The following WIPF2 variants were observed in gnomAD, a reference collection of about 807,000 sequenced individuals.
The protein encoded by WIPF2 is WAS/WASL-interacting protein family member 2.
In WIPF2, 23 loss-of-function variants were observed where a neutral mutation model predicts 38.8. That is an observed-to-expected ratio of 0.59 (90% CI 0.43 to 0.84). WIPF2 has a LOEUF of 0.84. Ranked by LOEUF, WIPF2 falls within the 40% of genes least tolerant of loss-of-function variation. The pLI, the probability that WIPF2 is intolerant of heterozygous loss-of-function variation, is 0.00. For synonymous variants in WIPF2, 210 were observed against 223.2 expected (o/e 0.94, Z 0.53); for missense variants, 574 against 580.5 (o/e 0.99, Z 0.11).
At position 40,265,109 on chromosome 17, in the gene WIPF2, A is replaced by T. The variant is rs1208736355; in HGVS notation, c.933A>T (p.Pro311=). 3 of 1,612,314 alleles carry T rather than the reference A, an allele frequency of 1.9e-6. No individual in the cohort carries two copies. The highest frequency in any genetic ancestry group is 1.7e-6 in the Non-Finnish European group (2 of 1,179,264). ...CCCCATCTTTACTGAGTAATAGGCC[A>T]CCTCCCCCAGCCCGAGACCCTCCCA... The part of the protein sequence containing the change: ...SASPSLLSNR[P]PPPARDPPSR... Residue 311 remains proline (P), a synonymous_variant, in exon 5 of 8, where the codon CCA becomes CCT. Coordinates refer to ENST00000323571, the MANE Select transcript of WIPF2 (RefSeq NM_133264.5).
intron 1 of WIPF2, among the ~76,000 whole-genome samples, chr17:40,244,548 A>G (rs1248420650): frequency 6.6e-6 from 1 of 152,176 alleles, no homozygotes; most frequent in African/African-American, 2.4e-5. Context: ...GAGATCAAGT[A>G]TAGTCTGTGG....
chr17:40,261,876 T>TGG (rs1177133221), intron 3 of WIPF2, among the ~76,000 whole-genome samples: 2 of 149,350 alleles, frequency 1.3e-5, no homozygotes, highest in Non-Finnish European at 3.0e-5. Context: ...TTAGTAGAGA[T>TGG]GGGGTTTCAC....
intron 1 of WIPF2, among the ~76,000 whole-genome samples, chr17:40,239,692 T>C (rs34540176): frequency 1.1e-5 from 1 of 94,002 alleles, no homozygotes; most frequent in African/African-American, 3.7e-5. Context: ...TCAGCTTTTC[T>C]TTTTTTTTTT....
At chr17:40,222,837 A>C (rs1314490092) in intron 1 of WIPF2, among the ~76,000 whole-genome samples, 3 of 147,166 alleles carry the variant, frequency 2.0e-5, no homozygotes, top group Non-Finnish European at 4.5e-5. Flanking sequence ...CGCCCAGCTA[A>C]TTTTTTGTAT....
chr17:40,227,522 C>A (rs1378919567), intron 1 of WIPF2, among the ~76,000 whole-genome samples: 2 of 152,082 alleles, frequency 1.3e-5, no homozygotes, highest in African/African-American at 2.4e-5. Context: ...CAATCCAGTT[C>A]ATCTTCCCAG....
chr17:40,224,504 C>T lies in WIPF2; in HGVS notation c.-70+5012C>T, dbSNP rs138723625. Among the ~76,000 whole-genome samples, 1,259 of 151,372 alleles carry T rather than the reference C, an allele frequency of 8.3e-3. 11 individuals carry two copies. The highest frequency in any genetic ancestry group is 0.013 in the Non-Finnish European group (856 of 67,858). On this transcript the variant is annotated intron_variant, in intron 1 of 7. Coordinates refer to ENST00000323571, the MANE Select transcript of WIPF2 (RefSeq NM_133264.5). ...CTTGTGATCCACCCGCCTCGGCCTC[C>T]CAAAGTGCTGAAATTACGGGCGTGA...
Position 40,255,961 on chromosome 17 carries a change from A to G in WIPF2, c.-69-430A>G, listed in dbSNP as rs374570783. Among the ~76,000 whole-genome samples, 10 of 152,074 alleles carry G rather than the reference A, an allele frequency of 6.6e-5. No homozygotes were observed. The East Asian group carries it at 1.2e-3, about 18-fold the overall frequency. On this transcript the variant is annotated intron_variant, in intron 1 of 7. Coordinates refer to ENST00000323571, the MANE Select transcript of WIPF2 (RefSeq NM_133264.5). ...TTTTAAATTAGCTGGGCGTAATGAC[A>G]TGCATGCTTGTAGTCCCAGCTACTT...
At chr17:40,229,541 T>C (rs2030654984) in intron 1 of WIPF2, among the ~76,000 whole-genome samples, 1 of 152,146 alleles carries the variant, frequency 6.6e-6, no homozygotes, top group Non-Finnish European at 1.5e-5. Flanking sequence ...TGCTGTAGCC[T>C]CCCAAGTAGC....
chr17:40,277,261 GC>G, intron 7 of WIPF2, 77 bp downstream of exon 7: 1 of 1,325,036 alleles, frequency 7.5e-7, no homozygotes, highest in Non-Finnish European at 1.1e-6. Flanking sequence ...GTTAAAATTT[GC>G]TTCTCGCTGG....
Position 40,278,348 on chromosome 17 carries a change from C to A in WIPF2, c.*123C>A. On this transcript the variant is annotated 3_prime_UTR_variant, in exon 8 of 8. Transcript: ENST00000323571. ...CATGTTTCTCCAATGCAATCAAGCC[C>A]TAGACTCCAAATGTCCTCCCAGCTC... 1 of 1,173,610 alleles carries A rather than the reference C, an allele frequency of 8.5e-7. No homozygotes were observed. The highest frequency in any genetic ancestry group is 1.2e-6 in the Non-Finnish European group (1 of 817,338). The allele number at this position is 1,173,610 out of a possible 1,614,324, so 72.7% of individuals were successfully genotyped here.
intron 1 of WIPF2, among the ~76,000 whole-genome samples, chr17:40,225,912 G>A (rs1307486687): frequency 1.3e-5 from 2 of 152,186 alleles, no homozygotes; most frequent in African/African-American, 2.4e-5. Context: ...GGGATTATAG[G>A]TGTGAGCCAC....
chr17:40,224,119 A>G (rs1052962207), intron 1 of WIPF2, among the ~76,000 whole-genome samples: 10 of 151,732 alleles, frequency 6.6e-5, no homozygotes, highest in Middle Eastern at 3.4e-3. Flanking sequence ...TGCAACCTAC[A>G]GTGTACCTTT....
chr17:40,260,254 C>G (rs181936559), intron 2 of WIPF2, among the ~76,000 whole-genome samples: 1 of 126,214 alleles, frequency 7.9e-6, no homozygotes, highest in Admixed American at 1.0e-4. Context: ...GTGGTGTGAT[C>G]TCGGCTCACT....
At chr17:40,234,851 C>T (rs576380247) in intron 1 of WIPF2, among the ~76,000 whole-genome samples, 10 of 152,182 alleles carry the variant, frequency 6.6e-5, no homozygotes, top group African/African-American at 2.4e-4. Context: ...AGGCCACGCA[C>T]GCTCTCGTTG....
chr17:40,233,904 AAAT>A, intron 1 of WIPF2, among the ~76,000 whole-genome samples: 1 of 152,140 alleles, frequency 6.6e-6, no homozygotes, highest in Non-Finnish European at 1.5e-5. Flanking sequence ...TCTCTACTAA[AAAT>A]ACAAATTTAG....
chr17:40,249,971 T>C (rs528451604), intron 1 of WIPF2, among the ~76,000 whole-genome samples: 75 of 151,714 alleles, frequency 4.9e-4, no homozygotes, highest in African/African-American at 1.7e-3. Flanking sequence ...TAGCTGGGAC[T>C]ACAGGCACCT....
chr17:40,257,270 C>T (rs1284760072), intron 2 of WIPF2, among the ~76,000 whole-genome samples: 4 of 152,096 alleles, frequency 2.6e-5, no homozygotes, highest in African/African-American at 7.2e-5. Flanking sequence ...AGCCACCGCG[C>T]CCGGCTTGAG....
intron 1 of WIPF2, chr17:40,220,594 T>TATAC (rs2030161301): frequency 1.2e-5 from 1 of 80,024 alleles, no homozygotes; most frequent in East Asian, 5.6e-4. Context: ...TATATATATA[T>TATAC]ATATATATAT....
intron 1 of WIPF2, among the ~76,000 whole-genome samples, chr17:40,244,115 T>C (rs1598478041): frequency 6.6e-6 from 1 of 152,150 alleles, no homozygotes; most frequent in Non-Finnish European, 1.5e-5. Context: ...AGTGGTAAAA[T>C]GTGTGTAACA....
Sources: gnomAD v4.1 joint callset for allele counts (sites outside exome capture counted in the v4.1 genomes callset) on GRCh38, gnomAD v4.1.1 for gene constraint, MANE v1.5 for transcripts, NCBI Gene and HGNC (gene_info 2026-07-23, HGNC 2026-07-21) for gene names.